Variants in PLD1 observed in about 807,000 individuals in gnomAD.
The protein encoded by PLD1 is choline phosphatase 1.
PLD1 carries 112 observed loss-of-function variants against 137.1 expected under a neutral mutation model. The ratio of observed to expected loss-of-function variants is 0.82; its 90% CI spans 0.70 to 0.96. The LOEUF is 0.96. PLD1 is among the 40% of genes least tolerant of loss of function. The pLI, the probability that PLD1 is intolerant of heterozygous loss-of-function variation, is 0.00. For synonymous variants in PLD1, 431 were observed against 454.7 expected (o/e 0.95, Z 0.66); for missense variants, 1,321 against 1,342.0 (o/e 0.98, Z 0.24).
chr3:171,710,154 C>T (rs1717050235), intron 9 of PLD1, among the ~76,000 whole-genome samples: 1 of 152,104 alleles, frequency 6.6e-6, no homozygotes, highest in South Asian at 2.1e-4. Context: ...GCTCCACCTC[C>T]CGGGTTCACG....
chr3:171,778,477 G>A (rs914032356), intron 1 of PLD1, among the ~76,000 whole-genome samples: 1 of 152,214 alleles, frequency 6.6e-6, no homozygotes, highest in Admixed American at 6.5e-5. Flanking sequence ...GGCATCTGGA[G>A]AGAGATGGCA....
chr3:171,674,439 C>A, intron 19 of PLD1, 61 bp downstream of exon 19: 1 of 839,212 alleles, frequency 1.2e-6, no homozygotes, highest in South Asian at 1.7e-5. Flanking sequence ...GGCCCTTGGT[C>A]CAATAACAGT....
At chr3:171,694,626 G>A (rs572787020) in intron 12 of PLD1, among the ~76,000 whole-genome samples, 1 of 150,950 alleles carries the variant, frequency 6.6e-6, no homozygotes, top group Non-Finnish European at 1.5e-5. Flanking sequence ...AACCTAAATA[G>A]TAGAACATTA....
chr3:171,625,320 C>A (rs1734007086), intron 23 of PLD1, among the ~76,000 whole-genome samples: 1 of 152,242 alleles, frequency 6.6e-6, no homozygotes, highest in South Asian at 2.1e-4. Flanking sequence ...TGCCATTGCC[C>A]AGGCTTGCTT....
intron 1 of PLD1, among the ~76,000 whole-genome samples, chr3:171,790,344 T>C (rs529076503): frequency 6.6e-6 from 1 of 152,298 alleles, no homozygotes; most frequent in Non-Finnish European, 1.5e-5. Flanking sequence ...GCATGTAACC[T>C]ACTAAGTCTG....
At chr3:171,604,638 T>G (rs185614602) in intron 26 of PLD1, among the ~76,000 whole-genome samples, 335 of 152,332 alleles carry the variant, frequency 2.2e-3, no homozygotes, top group Non-Finnish European at 3.8e-3. Context: ...TTACATTCTT[T>G]ATTATAACCA....
In PLD1 at chr3:171,756,147, A is replaced by G. The variant is rs202139217; in HGVS notation, c.-31-18065T>C. On this transcript the variant is annotated intron_variant, in intron 1 of 26. Transcript: ENST00000351298. ...TGAAAAAGGTGCAGTGTACCTGGAC[A>G]TAGAGTACAAGGCAGGTGATGTTAA... Among the ~76,000 whole-genome samples the G allele has an allele frequency of 4.4e-4, 67 of 152,368 alleles. 2 individuals are homozygous for G. The East Asian group carries it at 6.9e-3, about 16-fold the overall frequency.
rs146643210 is a variant in PLD1 at position 171,663,894 on chromosome 3, T to C, written c.2230-1724A>G. ...AAGCGATCCAATACATAATCAGTTC[T>C]ATGTCTGCTGTATATAAAAGGCCTG... is the stretch of plus-strand genomic sequence containing the variant. On this transcript the variant is annotated intron_variant, in intron 19 of 26. Transcript: ENST00000351298. Among the ~76,000 whole-genome samples, 215 of 152,340 alleles carry C rather than the reference T, an allele frequency of 1.4e-3. 2 individuals carry two copies. The highest frequency in any genetic ancestry group is 5.0e-3 in the African/African-American group (206 of 41,578).
intron 19 of PLD1, among the ~76,000 whole-genome samples, chr3:171,671,979 GC>G (rs1307055201): frequency 1.3e-5 from 2 of 151,208 alleles, no homozygotes; most frequent in Admixed American, 6.6e-5. Context: ...TCCAGGTGTA[GC>G]CCCCACCCCG....
chr3:171,608,212 C>T (rs781121319), intron 25 of PLD1, among the ~76,000 whole-genome samples: 1 of 152,138 alleles, frequency 6.6e-6, no homozygotes, highest in Non-Finnish European at 1.5e-5. Context: ...GAATTATTTA[C>T]TGTAGAATAA....
intron 21 of PLD1, among the ~76,000 whole-genome samples, chr3:171,647,734 C>T (rs779726377): frequency 1.3e-5 from 2 of 152,096 alleles, no homozygotes; most frequent in African/African-American, 4.8e-5. Flanking sequence ...AGTGAGCCAC[C>T]GCGCCCAGCC....
intron 23 of PLD1, among the ~76,000 whole-genome samples, chr3:171,642,457 C>CAAAAA (rs1230947984): frequency 9.4e-4 from 31 of 33,024 alleles, no homozygotes; most frequent in African/African-American, 3.3e-3. Context: ...AACCCAGTCT[C>CAAAAA]AAAAAAAAAA....
At chr3:171,699,332 C>T (rs1241822161) in intron 12 of PLD1, among the ~76,000 whole-genome samples, 2 of 152,200 alleles carry the variant, frequency 1.3e-5, no homozygotes, top group African/African-American at 2.4e-5. Flanking sequence ...TATTATTCTA[C>T]ACCACATTAG....
chr3:171,639,629 CT>C (rs201525611), intron 23 of PLD1, among the ~76,000 whole-genome samples: 26,252 of 68,632 alleles, frequency 0.38, 6,157 homozygotes, highest in African/African-American at 0.58. Flanking sequence ...AATATATATT[CT>C]ATATAATATA....
At position 171,674,479 on chromosome 3, in the gene PLD1, GA is replaced by G; in HGVS notation, c.2229+20del. On this transcript the variant is annotated intron_variant, in intron 19 of 26. Coordinates refer to ENST00000351298, the MANE Select transcript of PLD1 (RefSeq NM_002662.5). ...TTACTCAGTAGCATTTTGTCAAAAA[GA>G]AAAGCCAGAACTTACTTACCTGTAC... The G allele has an allele frequency of 7.7e-7, 1 of 1,296,116 alleles. No individual in the cohort carries two copies. Among genetic ancestry groups the G allele is most frequent in the Non-Finnish European group, 1.1e-6 (1 of 913,154 alleles). The allele number at this position is 1,296,116 out of a possible 1,614,324, so 80.3% of individuals were successfully genotyped here. A position where few individuals can be genotyped will look rare whatever the true frequency, so the allele number is the denominator to read the frequency against.
chr3:171,782,733 T>C (rs9968065), intron 1 of PLD1, among the ~76,000 whole-genome samples: 124,169 of 152,106 alleles, frequency 0.82, 51,167 homozygotes, highest in Middle Eastern at 0.93. Flanking sequence ...TGACAACTTA[T>C]CAGAGTTTTG....
chr3:171,623,523 C>T (rs1441140457), intron 23 of PLD1, among the ~76,000 whole-genome samples: 1 of 151,304 alleles, frequency 6.6e-6, no homozygotes, highest in Non-Finnish European at 1.5e-5. Context: ...AGGGTTTCAC[C>T]ATGTTAGCCA....
intron 23 of PLD1, among the ~76,000 whole-genome samples, chr3:171,630,881 G>A (rs1248329396): frequency 8.3e-6 from 1 of 121,102 alleles, no homozygotes; most frequent in African/African-American, 3.1e-5. Flanking sequence ...GGGGGAGGGG[G>A]GAGGGATAGC....
chr3:171,725,512 T>C (rs1377386345), intron 7 of PLD1, among the ~76,000 whole-genome samples: 5 of 152,228 alleles, frequency 3.3e-5, no homozygotes, highest in African/African-American at 1.2e-4. Flanking sequence ...AAAACTTTTT[T>C]TGAAACAACT....
Sources: allele counts gnomAD v4.1 joint callset (sites outside exome capture counted in the v4.1 genomes callset), GRCh38; gene constraint gnomAD v4.1.1; transcripts MANE v1.5; gene names NCBI Gene and HGNC (gene_info 2026-07-23, HGNC 2026-07-21).